Variants in GRM1 observed in about 807,000 individuals in gnomAD.
GRM1 encodes the protein metabotropic glutamate receptor 1.
GRM1 carries 33 observed loss-of-function variants against 90.9 expected under a neutral mutation model. The ratio of observed to expected loss-of-function variants is 0.36; its 90% CI spans 0.28 to 0.49. The LOEUF is 0.49. Ranked by LOEUF, GRM1 falls within the 20% of genes least tolerant of loss-of-function variation. The probability of loss-of-function intolerance (pLI) is 0.99; values close to 1 mark genes in which losing one functional copy is unlikely to be tolerated. For missense variants in GRM1, 1,190 were observed against 1,534.3 expected, an observed-to-expected ratio of 0.78 and a Z score of 3.75; for synonymous variants, 700 against 613.2, an observed-to-expected ratio of 1.14 and a Z score of -2.09.
At chr6:146,101,391 C>G (rs567600169) in intron 1 of GRM1, among the ~76,000 whole-genome samples, 13 of 152,286 alleles carry the variant, frequency 8.5e-5, no homozygotes, top group African/African-American at 2.9e-4. Context: ...CTGAGCTACT[C>G]TCTTTATTAC....
At chr6:146,315,586 G>A (rs954396451) in intron 3 of GRM1, among the ~76,000 whole-genome samples, 3 of 152,008 alleles carry the variant, frequency 2.0e-5, no homozygotes, top group Non-Finnish European at 2.9e-5. Context: ...TAAGACCATC[G>A]GGAAAGCTTT....
chr6:146,029,287 T>A lies in GRM1; in HGVS notation c.-231T>A. On this transcript the variant is annotated 5_prime_UTR_variant, in exon 1 of 8. Coordinates refer to ENST00000282753, the MANE Select transcript of GRM1 (RefSeq NM_001278064.2). ...ACCGGTGAAGAACGGGGACTCGAAT[T>A]CCCTTACAAACGCCTCCAGCTTGTA... 1 of 581,744 alleles carries A rather than the reference T, an allele frequency of 1.7e-6. No homozygotes were observed. The highest frequency in any genetic ancestry group is 2.0e-5 in the South Asian group (1 of 50,564). The allele number at this position is 581,744 out of a possible 1,614,324, so 36.0% of individuals were successfully genotyped here. A position where few individuals can be genotyped will look rare whatever the true frequency, so the allele number is the denominator to read the frequency against.
intron 7 of GRM1, among the ~76,000 whole-genome samples, chr6:146,404,606 G>T (rs1322970714): frequency 6.6e-6 from 1 of 152,156 alleles, no homozygotes; most frequent in Non-Finnish European, 1.5e-5. Flanking sequence ...ATTTTATATA[G>T]AGAAAATAAC....
Position 146,399,427 on chromosome 6 carries a change from C to A in GRM1, c.2388C>A (p.Ile796=), listed in dbSNP as rs763150447. The stretch of plus-strand genomic sequence containing the variant: ...CGTTCACCATGTACACCACCTGTAT[C>A]ATCTGGCTAGCTTTTGTGCCCATTT... ...YIAFTMYTTC[I]IWLAFVPIYF... is the part of the protein sequence containing the mutation. The change falls in exon 7 of 8, where the codon ATC becomes ATA. Residue 796 remains isoleucine, a synonymous_variant. Transcript: ENST00000282753. This position sits in a 1 kb window ranked among gnomAD's most constrained non-coding sequence, Gnocchi z 5.4. 2 of 1,614,198 alleles carry A rather than the reference C, an allele frequency of 1.2e-6. No individual in the cohort carries two copies. The highest frequency in any genetic ancestry group is 1.7e-6 in the Non-Finnish European group (2 of 1,180,038).
At chr6:146,093,449 G>C (rs1214443992) in intron 1 of GRM1, among the ~76,000 whole-genome samples, 5 of 152,032 alleles carry the variant, frequency 3.3e-5, no homozygotes, top group Non-Finnish European at 7.4e-5. Flanking sequence ...TTTTACTGTT[G>C]CTAGTTAAAG....
chr6:146,166,786 C>T (rs1343681377), intron 2 of GRM1, among the ~76,000 whole-genome samples: 1 of 152,100 alleles, frequency 6.6e-6, no homozygotes, highest in Non-Finnish European at 1.5e-5. Flanking sequence ...TTAAGTTAGA[C>T]TCTCTCCATA....
chr6:146,103,416 A>G (rs1248036029), intron 1 of GRM1, among the ~76,000 whole-genome samples: 2 of 151,992 alleles, frequency 1.3e-5, no homozygotes, highest in African/African-American at 4.8e-5. Flanking sequence ...GCTCTGTCAC[A>G]CTCTCTTGGC....
intron 2 of GRM1, among the ~76,000 whole-genome samples, chr6:146,282,152 T>C (rs1782591793): frequency 6.6e-6 from 1 of 152,210 alleles, no homozygotes; most frequent in African/African-American, 2.4e-5. Flanking sequence ...CTCTTTCCTG[T>C]CTGTCTTTGC....
At chr6:146,414,802 G>C (rs1777714247) in intron 7 of GRM1, among the ~76,000 whole-genome samples, 1 of 152,042 alleles carries the variant, frequency 6.6e-6, no homozygotes. Context: ...TTTCTTATTG[G>C]TATTTTCTGA....
At chr6:146,220,738 G>A (rs543777494) in intron 2 of GRM1, among the ~76,000 whole-genome samples, 2 of 152,018 alleles carry the variant, frequency 1.3e-5, no homozygotes, top group Non-Finnish European at 2.9e-5. Context: ...TCCTCATAGA[G>A]TTACAGTAAA....
At chr6:146,317,311 C>G (rs1784010647) in intron 3 of GRM1, among the ~76,000 whole-genome samples, 1 of 152,206 alleles carries the variant, frequency 6.6e-6, no homozygotes, top group Non-Finnish European at 1.5e-5. Flanking sequence ...AATTTTTCTA[C>G]TTCCTTGCCT....
At chr6:146,171,352 GGATCCTCT>G (rs1240252711) in intron 2 of GRM1, 1 of 153,160 alleles carries the variant, frequency 6.5e-6, no homozygotes, top group Non-Finnish European at 1.5e-5. Context: ...CCTACAGCGT[GGATCCTCT>G]GCATGTGCTT....
At chr6:146,035,100 CAT>C (rs919796114) in intron 1 of GRM1, among the ~76,000 whole-genome samples, 6 of 151,842 alleles carry the variant, frequency 4.0e-5, no homozygotes, top group African/African-American at 1.2e-4. Flanking sequence ...TGTTTGGAAA[CAT>C]AGCATTTGTA....
intron 3 of GRM1, among the ~76,000 whole-genome samples, chr6:146,341,020 G>T (rs1784957812): frequency 6.6e-6 from 1 of 152,190 alleles, no homozygotes; most frequent in Admixed American, 6.5e-5. Context: ...AAACCCACAT[G>T]CATGCACACA....
rs573800196 is a variant in GRM1 at position 146,402,075 on chromosome 6, T to A, written c.2660+2376T>A. 6.6e-5 allele frequency among the ~76,000 whole-genome samples: 10 copies of A among 152,342 alleles called. No individual in the cohort carries two copies. In the South Asian group the frequency reaches 2.1e-3, roughly 32 times the overall value. On this transcript the variant is annotated intron_variant, in intron 7 of 7. Transcript: ENST00000282753. ...CTTGCTTTTGAGAGAAAAATCAGCA[T>A]GGTCTAAATTAACTGGATTGGTTGT...
At chr6:146,325,968 C>A (rs1176639778) in intron 3 of GRM1, among the ~76,000 whole-genome samples, 1 of 152,102 alleles carries the variant, frequency 6.6e-6, no homozygotes, top group Non-Finnish European at 1.5e-5. Flanking sequence ...GTTTTTAAAA[C>A]CATGTCCTTA....
At chr6:146,151,842 A>G (rs527450395) in intron 1 of GRM1, among the ~76,000 whole-genome samples, 11 of 152,264 alleles carry the variant, frequency 7.2e-5, no homozygotes, top group African/African-American at 2.6e-4. Context: ...TTATTCAAAT[A>G]ATAGGATTTC....
chr6:146,217,291 T>C (rs1013749306), intron 2 of GRM1, among the ~76,000 whole-genome samples: 2 of 152,206 alleles, frequency 1.3e-5, no homozygotes, highest in Non-Finnish European at 2.9e-5. Context: ...TCTGTAGTGT[T>C]GCTGCTAAAT....
At chr6:146,201,867 C>A (rs1779309089) in intron 2 of GRM1, among the ~76,000 whole-genome samples, 1 of 152,170 alleles carries the variant, frequency 6.6e-6, no homozygotes, top group South Asian at 2.1e-4. Context: ...GTAAGTTGAA[C>A]CCACAATGTC....
Sources: gnomAD v4.1 joint callset for allele counts (sites outside exome capture counted in the v4.1 genomes callset) on GRCh38, gnomAD v4.1.1 for gene constraint, Gnocchi (gnomAD v3.1) non-coding constraint, MANE v1.5 for transcripts, NCBI Gene and HGNC (gene_info 2026-07-23, HGNC 2026-07-21) for gene names.